Variants in SFMBT2 observed in about 807,000 individuals in gnomAD.
SFMBT2 encodes the protein Scm like with four mbt domains 2.
A neutral mutation model predicts 110.1 loss-of-function variants in SFMBT2; 38 were observed. The observed-to-expected ratio is 0.35, with a 90% CI of 0.27 to 0.45. The LOEUF is 0.45. Among genes scored for constraint, SFMBT2 ranks in the 20% least tolerant of loss-of-function variants. The probability of loss-of-function intolerance (pLI) is 1.00; values close to 1 mark genes in which losing one functional copy is unlikely to be tolerated. For missense variants in SFMBT2, 1,011 were observed against 1,094.9 expected, an observed-to-expected ratio of 0.92 and a Z score of 1.08; for synonymous variants, 425 against 425.4, an observed-to-expected ratio of 1.00 and a Z score of 0.01.
chr10:7,276,972 T>A lies in SFMBT2; in HGVS notation c.790A>T (p.Met264Leu). The change falls in exon 7 of 21, where the codon ATG becomes TTG. Residue 264 changes from methionine (M) to leucine (L), a missense_variant. Met to Leu is a conservative substitution (Grantham distance 15). This residue lies in a region of SFMBT2 where 979 missense variants were observed against 1,016.1 expected (regional missense o/e 0.96). Transcript: ENST00000397167. The stretch of plus-strand genomic sequence containing the variant: ...AGAGTACATTTCCATTCAGAGGCCA[T>A]CTTCAAAGGATAGATTTCTGTATCA... ...DPPSEIYPLK[M>L]ASEWKCTLEK... 1 of 872,730 alleles carries A rather than the reference T, an allele frequency of 1.1e-6. No homozygotes were observed. Among genetic ancestry groups the A allele is most frequent in the Non-Finnish European group, 2.0e-6 (1 of 501,502 alleles). 54.1% of individuals were successfully genotyped at this position (872,730 alleles called of 1,614,324 possible). A position where few individuals can be genotyped will look rare whatever the true frequency, so the allele number is the denominator to read the frequency against.
chr10:7,294,218 G>A (rs1196452898), intron 4 of SFMBT2, among the ~76,000 whole-genome samples: 1 of 152,104 alleles, frequency 6.6e-6, no homozygotes, highest in East Asian at 1.9e-4. Context: ...CAAAATGGAA[G>A]GATCCTTCCA....
chr10:7,179,533 T>C (rs1838181861), intron 16 of SFMBT2, among the ~76,000 whole-genome samples: 1 of 152,302 alleles, frequency 6.6e-6, no homozygotes, highest in East Asian at 1.9e-4. Context: ...CTTGCAGTTT[T>C]ATCCACTACG....
rs911671609 is a variant in SFMBT2 at position 7,205,730 on chromosome 10, T to C, written c.1444+85A>G. ...AAAATCTTATTTGTTCTTTAGAACT[T>C]GGTTATAATTTCTTTATGAAGCTGC... On this transcript the variant is annotated intron_variant, in intron 12 of 20. Transcript: ENST00000397167. 23 of 1,505,478 alleles carry C rather than the reference T, an allele frequency of 1.5e-5. No homozygotes were observed. In the Admixed American group the frequency reaches 5.1e-4, roughly 33 times the overall value. 93.3% of individuals were successfully genotyped at this position (1,505,478 alleles called of 1,614,324 possible). A position where few individuals can be genotyped will look rare whatever the true frequency, so the allele number is the denominator to read the frequency against.
At position 7,170,829 on chromosome 10, in the gene SFMBT2, C is replaced by T. The variant is rs1837853114; in HGVS notation, c.2544+99G>A. The T allele has an allele frequency of 1.4e-6, 2 of 1,435,870 alleles. No homozygotes were observed. Among genetic ancestry groups the T allele is most frequent in the East Asian group, 2.3e-5 (1 of 42,662 alleles). 88.9% of individuals were successfully genotyped at this position (1,435,870 alleles called of 1,614,324 possible). A position where few individuals can be genotyped will look rare whatever the true frequency, so the allele number is the denominator to read the frequency against. ...ACCTGCCGAGCAGCGCCGAAGAACC[C>T]CCTCGCAGGTGTCACGAGGAAGCCG... On this transcript the variant is annotated intron_variant, in intron 20 of 20. Coordinates refer to ENST00000397167, the MANE Select transcript of SFMBT2 (RefSeq NM_001387889.1). The surrounding 1 kb of genome is among the most constrained non-coding windows in gnomAD (Gnocchi z 4.6).
At chr10:7,342,947 T>A (rs1467711933) in intron 4 of SFMBT2, among the ~76,000 whole-genome samples, 4 of 152,162 alleles carry the variant, frequency 2.6e-5, no homozygotes, top group East Asian at 3.8e-4. Context: ...TGTGTCAGGG[T>A]GTCAGAGTAA....
At chr10:7,199,638 A>T (rs1838890215) in intron 14 of SFMBT2, among the ~76,000 whole-genome samples, 1 of 152,228 alleles carries the variant, frequency 6.6e-6, no homozygotes, top group Non-Finnish European at 1.5e-5. Flanking sequence ...CCACAGCTGC[A>T]TTTACATGGA....
intron 15 of SFMBT2, among the ~76,000 whole-genome samples, chr10:7,194,715 A>T (rs576255994): frequency 1.3e-5 from 2 of 152,272 alleles, no homozygotes; most frequent in East Asian, 3.9e-4. Context: ...GCACTCACCT[A>T]CTTTTTTGTT....
chr10:7,283,836 A>C, intron 6 of SFMBT2, 68 bp downstream of exon 6: 2 of 1,059,572 alleles, frequency 1.9e-6, no homozygotes, highest in Non-Finnish European at 2.9e-6. Flanking sequence ...ATTTTCTAGA[A>C]ACACATCCAG....
intron 9 of SFMBT2, among the ~76,000 whole-genome samples, chr10:7,243,260 C>T (rs1343719099): frequency 6.6e-6 from 1 of 152,196 alleles, no homozygotes; most frequent in Admixed American, 6.5e-5. Flanking sequence ...TCTTTGAGCT[C>T]AATCACTTAG....
At chr10:7,201,361 T>TG (rs1289396432) in intron 13 of SFMBT2, among the ~76,000 whole-genome samples, 1 of 152,162 alleles carries the variant, frequency 6.6e-6, no homozygotes, top group Non-Finnish European at 1.5e-5. Flanking sequence ...GACTGATGCA[T>TG]GAGAAAGGTG....
At chr10:7,179,921 G>A (rs925145613) in intron 16 of SFMBT2, among the ~76,000 whole-genome samples, 5 of 152,144 alleles carry the variant, frequency 3.3e-5, no homozygotes, top group African/African-American at 9.7e-5. Context: ...TAAAAACAGC[G>A]GGCTCCTTTT....
intron 10 of SFMBT2, among the ~76,000 whole-genome samples, chr10:7,221,848 T>C (rs1839752587): frequency 6.6e-6 from 1 of 152,190 alleles, no homozygotes; most frequent in Non-Finnish European, 1.5e-5. Context: ...AATTTCATTA[T>C]GCAGCTACAA....
At position 7,277,393 on chromosome 10, in the gene SFMBT2, C is replaced by A. The variant is rs547887818; in HGVS notation, c.773-404G>T. 145 of 243,798 alleles carry A rather than the reference C, an allele frequency of 5.9e-4. 2 individuals are homozygous for A. The highest frequency in any genetic ancestry group is 4.1e-3 in the Middle Eastern group (2 of 484). The allele number at this position is 243,798 out of a possible 1,614,324, so 15.1% of individuals were successfully genotyped here. ...ATCTGATACATTTCTAAACTACAAA[C>A]GACTCTAGTCTGGCATTTGCAGTTA... On this transcript the variant is annotated intron_variant, in intron 6 of 20. Transcript: ENST00000397167.
rs916046825 is a variant in SFMBT2 at position 7,408,844 on chromosome 10, A to C, written c.-52+2017T>G. On this transcript the variant is annotated intron_variant, in intron 1 of 20. Transcript: ENST00000397167. The surrounding 1 kb of genome is among the most constrained non-coding windows in gnomAD (Gnocchi z 5.7). ...CCTGGAACGCCGACCTTTCCCCCGC[A>C]CTTCGCCGCCCACTCACATCCCCCG... 6.6e-6 allele frequency: 1 copy of C among 151,594 alleles called. No homozygotes were observed. Among genetic ancestry groups the C allele is most frequent in the South Asian group, 2.1e-4 (1 of 4,766 alleles). 9.4% of individuals were successfully genotyped at this position (151,594 alleles called of 1,614,324 possible).
intron 9 of SFMBT2, among the ~76,000 whole-genome samples, chr10:7,239,130 A>T (rs1250578649): frequency 6.6e-6 from 1 of 152,186 alleles, no homozygotes; most frequent in East Asian, 1.9e-4. Context: ...TTATTTGCAT[A>T]TATTTCTCCT....
At chr10:7,245,567 C>G (rs915837284) in intron 8 of SFMBT2, among the ~76,000 whole-genome samples, 1 of 152,230 alleles carries the variant, frequency 6.6e-6, no homozygotes, top group Non-Finnish European at 1.5e-5. Flanking sequence ...ACCCACAGGA[C>G]TCAGAACTAA....
At chr10:7,238,248 G>A (rs1240479773) in intron 9 of SFMBT2, among the ~76,000 whole-genome samples, 2 of 152,218 alleles carry the variant, frequency 1.3e-5, no homozygotes, top group Non-Finnish European at 2.9e-5. Context: ...GCTGTGAGGA[G>A]AAGTGGTGAG....
intron 1 of SFMBT2, among the ~76,000 whole-genome samples, chr10:7,385,493 TA>T (rs1845568036): frequency 2.6e-5 from 4 of 151,832 alleles, no homozygotes; most frequent in Admixed American, 2.6e-4. Flanking sequence ...CAAACAAAGG[TA>T]AACCAGGGAA....
At chr10:7,314,451 G>A (rs1842932788) in intron 4 of SFMBT2, among the ~76,000 whole-genome samples, 1 of 152,200 alleles carries the variant, frequency 6.6e-6, no homozygotes, top group Non-Finnish European at 1.5e-5. Context: ...GAGATACCCG[G>A]AAGAATGAAC....
Sources: allele counts gnomAD v4.1 joint callset (sites outside exome capture counted in the v4.1 genomes callset), GRCh38; gene constraint gnomAD v4.1.1; regional missense constraint gnomAD v4.1.1; non-coding constraint Gnocchi (gnomAD v3.1); transcripts MANE v1.5; gene names NCBI Gene and HGNC (gene_info 2026-07-23, HGNC 2026-07-21).